CCR5AS: variants seen among roughly 807,000 people sequenced by gnomAD.
CCR5AS encodes CCR5 antisense RNA.
chr3:46,366,760 ACT>A (rs1477182222), intron 3 of CCR5AS, among the ~76,000 whole-genome samples: 1 of 152,110 alleles, frequency 6.6e-6, no homozygotes, highest in African/African-American at 2.4e-5. Flanking sequence ...GTGTCATAAG[ACT>A]CAAGTGTCAT....
At chr3:46,373,604 G>A in intron 2 of CCR5AS, 1 of 1,614,064 alleles carries the variant, frequency 6.2e-7, no homozygotes. Context: ...ACAGGGCTGT[G>A]AGGCTTATCT....
intron 1 of CCR5AS, among the ~76,000 whole-genome samples, chr3:46,405,681 T>TA (rs1284913744): frequency 6.6e-6 from 1 of 152,110 alleles, no homozygotes; most frequent in African/African-American, 2.4e-5. Context: ...AGAGGGCACT[T>TA]ACAGCTTAGG....
intron 2 of CCR5AS, among the ~76,000 whole-genome samples, chr3:46,379,904 AT>A (rs1701801998): frequency 2.3e-5 from 1 of 43,466 alleles, no homozygotes; most frequent in Non-Finnish European, 5.1e-5. Flanking sequence ...CTCAAAATAA[AT>A]AAATAAATAA....
intron 2 of CCR5AS, among the ~76,000 whole-genome samples, chr3:46,383,748 A>G (rs187544414): frequency 4.6e-5 from 7 of 152,210 alleles, no homozygotes; most frequent in Admixed American, 3.3e-4. Context: ...GAAACCCCTA[A>G]GGGGGTTCTT....
At chr3:46,394,188 C>G (rs1183700832) in intron 1 of CCR5AS, among the ~76,000 whole-genome samples, 1 of 152,116 alleles carries the variant, frequency 6.6e-6, no homozygotes, top group Non-Finnish European at 1.5e-5. Context: ...GGGTGAAGGT[C>G]AGGAATGCAC....
chr3:46,365,583 G>A (rs1434708968), intron 3 of CCR5AS, among the ~76,000 whole-genome samples: 2 of 152,168 alleles, frequency 1.3e-5, no homozygotes, highest in Admixed American at 6.5e-5. Flanking sequence ...AGGTGTGCCT[G>A]AACCTCTTTA....
exon 2 of CCR5AS, chr3:46,392,898 G>A: frequency 5.0e-6 from 1 of 199,858 alleles, no homozygotes; most frequent in Non-Finnish European, 9.8e-6. Flanking sequence ...TTCTCATGGA[G>A]TGAGGGTGAG....
rs562042255 is a variant in CCR5AS at position 46,394,605 on chromosome 3, C to T, written n.164-1553G>A. 8.5e-5 allele frequency among the ~76,000 whole-genome samples: 13 copies of T among 152,214 alleles called. No individual in the cohort carries two copies. In the South Asian group the frequency reaches 2.1e-3, roughly 24 times the overall value. ...AACATGTCTCACATCCCCCAGCCAG[C>T]GAGACGTCCTGAGATTCCAGCACTT... On this transcript the variant is annotated intron_variant and non_coding_transcript_variant, in intron 1 of 3. Coordinates refer to ENST00000451485, the Ensembl canonical transcript of CCR5AS.
chr3:46,373,640 C>T (rs771408105), intron 2 of CCR5AS: 6 of 1,614,036 alleles, frequency 3.7e-6, no homozygotes, highest in Non-Finnish European at 5.1e-6. Flanking sequence ...TTTATTTTCT[C>T]TTCTGGGCTC....
intron 2 of CCR5AS, chr3:46,373,864 G>A (rs1701713516): frequency 1.9e-6 from 3 of 1,613,714 alleles, no homozygotes; most frequent in Non-Finnish European, 2.5e-6. Flanking sequence ...AAACGCTTCT[G>A]CAAATGCTGT....
At chr3:46,395,414 C>G (rs1430041296) in intron 1 of CCR5AS, among the ~76,000 whole-genome samples, 1 of 151,966 alleles carries the variant, frequency 6.6e-6, no homozygotes, top group Non-Finnish European at 1.5e-5. Context: ...GGAATGCAGG[C>G]AGCAAAGGGA....
intron 1 of CCR5AS, among the ~76,000 whole-genome samples, chr3:46,398,396 T>A (rs1701978964): frequency 6.6e-6 from 1 of 152,188 alleles, no homozygotes; most frequent in African/African-American, 2.4e-5. Flanking sequence ...TCACCTTGAG[T>A]GATAGCTGGC....
At chr3:46,389,702 T>C (rs867528896) in intron 2 of CCR5AS, among the ~76,000 whole-genome samples, 13 of 152,274 alleles carry the variant, frequency 8.5e-5, no homozygotes, top group Non-Finnish European at 1.5e-4. Context: ...AAAAGACTTA[T>C]GGTCTATGGG....
At chr3:46,366,299 C>G (rs577578236) in intron 3 of CCR5AS, among the ~76,000 whole-genome samples, 49 of 152,192 alleles carry the variant, frequency 3.2e-4, no homozygotes, top group African/African-American at 1.2e-3. Flanking sequence ...CCAGAAAAGC[C>G]CTACATAATC....
chr3:46,367,237 T>G (rs551070399), intron 3 of CCR5AS, among the ~76,000 whole-genome samples: 2 of 152,070 alleles, frequency 1.3e-5, no homozygotes, highest in Non-Finnish European at 2.9e-5. Flanking sequence ...GTTACATGCA[T>G]GTGTGCATAT....
chr3:46,396,805 T>C (rs1413629115), intron 1 of CCR5AS, among the ~76,000 whole-genome samples: 2 of 152,130 alleles, frequency 1.3e-5, no homozygotes, highest in Non-Finnish European at 2.9e-5. Context: ...TCCAATTGTG[T>C]CTCCTGGAAG....
At chr3:46,389,213 G>A (rs1007018410) in intron 2 of CCR5AS, among the ~76,000 whole-genome samples, 5 of 152,218 alleles carry the variant, frequency 3.3e-5, no homozygotes, top group African/African-American at 9.7e-5. Flanking sequence ...AGAAATGCGA[G>A]TGAGTTTAAG....
chr3:46,381,642 TA>T (rs1701817985), intron 2 of CCR5AS, among the ~76,000 whole-genome samples: 1 of 152,244 alleles, frequency 6.6e-6, no homozygotes. Context: ...ATGTTCACTT[TA>T]AAATTCCTCT....
chr3:46,366,563 T>C (rs542967357), intron 3 of CCR5AS, among the ~76,000 whole-genome samples: 10 of 152,236 alleles, frequency 6.6e-5, no homozygotes, highest in Admixed American at 2.6e-4. Context: ...AGCCTGCACA[T>C]GTCCACTTGG....
Sources: gnomAD v4.1 joint callset for allele counts (sites outside exome capture counted in the v4.1 genomes callset) on GRCh38, gnomAD v4.1.1 for gene constraint, MANE v1.5 for transcripts, NCBI Gene and HGNC (gene_info 2026-07-23, HGNC 2026-07-21) for gene names.